Variants in MRM1 observed in about 807,000 individuals in gnomAD.
MRM1 encodes the protein rRNA methyltransferase 1, mitochondrial.
In MRM1, 24 loss-of-function variants were observed where a neutral mutation model predicts 25.0. The observed-to-expected ratio is 0.96, with a 90% CI of 0.69 to 1.35. MRM1 has a LOEUF of 1.35. Ranked by LOEUF, MRM1 falls within the 40% of genes most tolerant of loss-of-function variation. The pLI is 0.00. For missense variants in MRM1, 431 were observed against 464.1 expected, an observed-to-expected ratio of 0.93 and a Z score of 0.65; for synonymous variants, 188 against 199.2, an observed-to-expected ratio of 0.94 and a Z score of 0.47.
chr17:36,618,728 G>A, the MRM1 span, among the ~76,000 whole-genome samples: 1 of 152,206 alleles, frequency 6.6e-6, no homozygotes, highest in South Asian at 2.1e-4. Context: ...TCCAGAACAT[G>A]GTTCCAGAGC....
the MRM1 span, among the ~76,000 whole-genome samples, chr17:36,628,435 G>A: frequency 1.3e-5 from 2 of 152,192 alleles, no homozygotes; most frequent in Admixed American, 6.5e-5. Context: ...CTGGGCTTCC[G>A]GAGGGGAAGA....
the MRM1 span, among the ~76,000 whole-genome samples, chr17:36,618,535 A>G: frequency 1.3e-5 from 2 of 152,110 alleles, no homozygotes; most frequent in Non-Finnish European, 2.9e-5. Flanking sequence ...GCTTCTGGGT[A>G]GGAGTGTGCC....
chr17:36,601,836 G>A lies in MRM1; in HGVS notation c.26G>A (p.Gly9Asp). The A allele has an allele frequency of 6.3e-7, 1 of 1,580,170 alleles. No homozygotes were observed. Among genetic ancestry groups the A allele is most frequent in the Non-Finnish European group, 8.6e-7 (1 of 1,164,624 alleles). The change falls in exon 1 of 5, where the codon GGC becomes GAC. Residue 9 changes from glycine to aspartate, a missense_variant. Physicochemically the swap from Gly to Asp is moderately conservative, Grantham distance 94 (BLOSUM62 -1). Coordinates refer to ENST00000614766, the MANE Select transcript of MRM1 (RefSeq NM_024864.5). ...ATGGCATTGCTCTCGACCGTCCGGG[G>A]CGCGACCTGGGGTCGCCTCGTCACC... MALLSTVR[G>D]ATWGRLVTRH...
At chr17:36,625,010 T>A in the MRM1 span, among the ~76,000 whole-genome samples, 1 of 152,168 alleles carries the variant, frequency 6.6e-6, no homozygotes, top group Admixed American at 6.5e-5. Context: ...CCAAAGCTGC[T>A]TGAGTCAGGG....
downstream of MRM1, among the ~76,000 whole-genome samples, chr17:36,611,789 A>G (rs2074977937): frequency 1.3e-5 from 2 of 152,150 alleles, no homozygotes; most frequent in South Asian, 4.1e-4. Context: ...TTTGAATGGA[A>G]ATGATACCAT....
Position 36,602,448 on chromosome 17 carries a change from C to G in MRM1, c.542+96C>G. 1 of 1,579,448 alleles carries G rather than the reference C, an allele frequency of 6.3e-7. No individual in the cohort carries two copies. The highest frequency in any genetic ancestry group is 1.2e-5 in the South Asian group (1 of 86,526). ...TTGGGTGATCCCTTAGCCAGACTTA[C>G]CTGTCCCAGAACTCTCATCCCCCTA... On this transcript the variant is annotated intron_variant, in intron 1 of 4. Transcript: ENST00000614766. The surrounding 1 kb of genome is among the most constrained non-coding windows in gnomAD (Gnocchi z 4.1).
the MRM1 span, among the ~76,000 whole-genome samples, chr17:36,625,082 C>T: frequency 3.9e-5 from 6 of 152,264 alleles, no homozygotes; most frequent in East Asian, 1.9e-4. Flanking sequence ...AAGTCTCCAG[C>T]GAGGTCAGAA....
chr17:36,609,696 G>C (rs1483092319), downstream of MRM1, among the ~76,000 whole-genome samples: 3 of 152,180 alleles, frequency 2.0e-5, no homozygotes, highest in African/African-American at 7.2e-5. Context: ...GTGACCTTGG[G>C]GGGGCGCTCC....
Position 36,608,715 on chromosome 17 carries a change from T to C in MRM1, c.*300T>C. Reference sequence around the variant, plus strand: ...GAAGTTGAGGGAAAGTTTAGACATCTGCAGAGAGGCAGGCAGCCCAGCCCA... The same window carrying C: ...GAAGTTGAGGGAAAGTTTAGACATCCGCAGAGAGGCAGGCAGCCCAGCCCA... On this transcript the variant is annotated 3_prime_UTR_variant, in exon 5 of 5. Coordinates refer to ENST00000614766, the MANE Select transcript of MRM1 (RefSeq NM_024864.5). The C allele has an allele frequency of 2.9e-6, 1 of 344,738 alleles. No individual in the cohort carries two copies. Among genetic ancestry groups the C allele is most frequent in the Non-Finnish European group, 5.2e-6 (1 of 191,808 alleles). 21.4% of individuals were successfully genotyped at this position (344,738 alleles called of 1,614,324 possible).
At chr17:36,629,728 T>TGGGGGGGGGGGGAGGGGGG in the MRM1 span, among the ~76,000 whole-genome samples, 2 of 57,578 alleles carry the variant, frequency 3.5e-5, no homozygotes, top group Non-Finnish European at 7.2e-5. Flanking sequence ...AGGGATGGGG[T>TGGGGGGGGGGGGAGGGGGG]GGGGGGGGGC....
Position 36,608,376 on chromosome 17 carries a change from G to A in MRM1, c.1023G>A (p.Leu341=), listed in dbSNP as rs2074950500. 1 of 1,597,720 alleles carries A rather than the reference G, an allele frequency of 6.3e-7. No individual in the cohort carries two copies. The highest frequency in any genetic ancestry group is 8.5e-7 in the Non-Finnish European group (1 of 1,172,154). The change falls in exon 5 of 5, where the codon CTG becomes CTA. Residue 341 remains leucine (L), a synonymous_variant. Coordinates refer to ENST00000614766, the MANE Select transcript of MRM1 (RefSeq NM_024864.5). ...TCAGCATGGCTCAGCACCCAGGGCTGTCTTCAGGCCCAGAGAAAGAGAGGC... is the reference window on the plus strand; with the variant it reads ...TCAGCATGGCTCAGCACCCAGGGCTATCTTCAGGCCCAGAGAAAGAGAGGC... ...EGLSMAQHPG[L]SSGPEKERQN...
At chr17:36,603,119 G>A in intron 2 of MRM1, 2 of 985,292 alleles carry the variant, frequency 2.0e-6, no homozygotes, top group Non-Finnish European at 2.4e-6. Flanking sequence ...TCCCTTGCTG[G>A]ACACAAGGAG....
the MRM1 span, among the ~76,000 whole-genome samples, chr17:36,616,168 C>T: frequency 6.6e-6 from 1 of 152,202 alleles, no homozygotes; most frequent in South Asian, 2.1e-4. Context: ...ACCACAGGGC[C>T]AGGCACGTGC....
chr17:36,629,387 A>G, the MRM1 span, among the ~76,000 whole-genome samples: 1 of 152,124 alleles, frequency 6.6e-6, no homozygotes, highest in African/African-American at 2.4e-5. Flanking sequence ...GGCCACCCCC[A>G]TGAGAGGTCC....
chr17:36,602,429 G>A lies in MRM1; in HGVS notation c.542+77G>A. On this transcript the variant is annotated intron_variant, in intron 1 of 4. Transcript: ENST00000614766. The surrounding 1 kb of genome is among the most constrained non-coding windows in gnomAD (Gnocchi z 4.1). ...TTCCTAAGCACCTTGGCCCTTGGGT[G>A]ATCCCTTAGCCAGACTTACCTGTCC... 6.4e-7 allele frequency: 1 copy of A among 1,563,922 alleles called. No individual in the cohort carries two copies.
At chr17:36,628,769 A>G in the MRM1 span, among the ~76,000 whole-genome samples, 1 of 152,130 alleles carries the variant, frequency 6.6e-6, no homozygotes, top group Non-Finnish European at 1.5e-5. Context: ...TCACAACCCC[A>G]TTTTACAGAT....
Position 36,603,248 on chromosome 17 carries a change from C to CTCTGG in MRM1, c.636+602_636+603insTCTGG, listed in dbSNP as rs2074897874. ...GGAGAGCTCTGGGACCTGTCTAGAA[C>CTCTGG]AACGCTGTCCAATAAAAATATGGTG... On this transcript the variant is annotated intron_variant, in intron 2 of 4. Transcript: ENST00000614766. 4 of 982,428 alleles carry CTCTGG rather than the reference C, an allele frequency of 4.1e-6. No individual in the cohort carries two copies. The African/African-American group carries it at 7.0e-5, about 17-fold the overall frequency. 60.9% of individuals were successfully genotyped at this position (982,428 alleles called of 1,614,324 possible). A position where few individuals can be genotyped will look rare whatever the true frequency, so the allele number is the denominator to read the frequency against.
At chr17:36,629,909 G>A in the MRM1 span, among the ~76,000 whole-genome samples, 13 of 152,194 alleles carry the variant, frequency 8.5e-5, no homozygotes, top group African/African-American at 2.4e-4. Flanking sequence ...AAGAGGCATG[G>A]GGGCTTGTTT....
chr17:36,615,274 C>T, the MRM1 span, among the ~76,000 whole-genome samples: 457 of 152,270 alleles, frequency 3.0e-3, 4 homozygotes, highest in African/African-American at 0.01. Context: ...TCTCCCCCTT[C>T]GGGCTCCAGC....
Sources: allele counts gnomAD v4.1 joint callset (sites outside exome capture counted in the v4.1 genomes callset), GRCh38; gene constraint gnomAD v4.1.1; non-coding constraint Gnocchi (gnomAD v3.1); transcripts MANE v1.5; gene names NCBI Gene and HGNC (gene_info 2026-07-23, HGNC 2026-07-21).